Variants in ESR1 observed in about 807,000 individuals in gnomAD.
ESR1 encodes the protein estrogen receptor.
In ESR1, 12 loss-of-function variants were observed where a neutral mutation model predicts 52.7. That is an observed-to-expected ratio of 0.23 (90% CI 0.15 to 0.37). The LOEUF (loss-of-function observed/expected upper bound fraction) is 0.37, where lower values mean the gene tolerates loss of function less well. Among genes scored for constraint, ESR1 ranks in the 10% least tolerant of loss-of-function variants. The pLI, the probability that ESR1 is intolerant of heterozygous loss-of-function variation, is 1.00. For missense variants in ESR1, 584 were observed against 779.7 expected (o/e 0.75, Z 2.99); for synonymous variants, 305 against 316.8 (o/e 0.96, Z 0.39).
chr6:151,727,827 T>C (rs1411225118), intron 2 of ESR1, among the ~76,000 whole-genome samples: 1 of 152,202 alleles, frequency 6.6e-6, no homozygotes, highest in Non-Finnish European at 1.5e-5. Context: ...CTACTCACTC[T>C]GTCTCTCACC....
At chr6:151,787,630 A>G (rs1787149317) in intron 2 of ESR1, among the ~76,000 whole-genome samples, 1 of 151,912 alleles carries the variant, frequency 6.6e-6, no homozygotes, top group African/African-American at 2.4e-5. Context: ...TGTGTTCCTG[A>G]TTTGGCTCTT....
At chr6:151,804,589 T>A (rs1777592689), upstream of ESR1, 1 of 152,010 alleles carries the variant, frequency 6.6e-6, no homozygotes, top group Non-Finnish European at 1.5e-5. Context: ...ATACTGGGGG[T>A]CTTTCAAAGC....
chr6:152,108,938 T>C lies in ESR1; in HGVS notation c.851-16328T>C, dbSNP rs535782737. Reference sequence around the variant, plus strand: ...AAGAGGTTTAATTGGCTTACGGTTCTGCAGGCTGTACAGGAGGCATGGCAG... The same window carrying C: ...AAGAGGTTTAATTGGCTTACGGTTCCGCAGGCTGTACAGGAGGCATGGCAG... On this transcript the variant is annotated intron_variant, in intron 6 of 6. Transcript: ENST00000427531. Among the ~76,000 whole-genome samples, 78 of 152,300 alleles carry C rather than the reference T, an allele frequency of 5.1e-4. No individual in the cohort carries two copies. In the South Asian group the frequency reaches 6.2e-3, roughly 12 times the overall value.
At chr6:151,813,590 A>G (rs1779164060) in intron 1 of ESR1, 1 of 152,234 alleles carries the variant, frequency 6.6e-6, no homozygotes, top group African/African-American at 2.4e-5. Context: ...GAAACTTATT[A>G]AGTACCTATA....
intron 5 of ESR1, among the ~76,000 whole-genome samples, chr6:152,023,220 C>T (rs1267523632): frequency 6.6e-6 from 1 of 152,044 alleles, no homozygotes; most frequent in African/African-American, 2.4e-5. Flanking sequence ...TATAAACCAG[C>T]TCTTTGAGGT....
At chr6:151,780,951 G>A (rs1476086753) in intron 2 of ESR1, among the ~76,000 whole-genome samples, 1 of 152,072 alleles carries the variant, frequency 6.6e-6, no homozygotes, top group African/African-American at 2.4e-5. Flanking sequence ...AAATACAACG[G>A]GCTTTAAAAT....
intron 2 of ESR1, among the ~76,000 whole-genome samples, chr6:151,869,196 A>G (rs903906327): frequency 1.3e-5 from 2 of 152,130 alleles, no homozygotes; most frequent in Non-Finnish European, 2.9e-5. Context: ...TGTTTCTACT[A>G]CTTTGGACAC....
chr6:151,798,888 GA>G (rs560249044), intron 2 of ESR1, among the ~76,000 whole-genome samples: 93 of 152,162 alleles, frequency 6.1e-4, no homozygotes, highest in Non-Finnish European at 1.2e-3. Flanking sequence ...GTAATGAATG[GA>G]AGGTAGATTA....
chr6:151,739,121 G>A (rs1390134809), intron 2 of ESR1, among the ~76,000 whole-genome samples: 1 of 152,174 alleles, frequency 6.6e-6, no homozygotes. Flanking sequence ...GCTTCACTAA[G>A]TAGGACTGTC....
At chr6:151,964,461 T>C (rs2982691) in intron 4 of ESR1, among the ~76,000 whole-genome samples, 122,801 of 151,966 alleles carry the variant, frequency 0.81, 49,969 homozygotes, top group Middle Eastern at 0.9. Flanking sequence ...TTAATTTCCT[T>C]TTTGGATAAT....
intron 2 of ESR1, among the ~76,000 whole-genome samples, chr6:151,739,244 G>A (rs554063667): frequency 5.3e-5 from 8 of 152,232 alleles, no homozygotes; most frequent in African/African-American, 1.9e-4. Context: ...GAGTTGCAAG[G>A]ACCAAACGAG....
At chr6:151,817,345 G>A (rs573634173) in intron 1 of ESR1, among the ~76,000 whole-genome samples, 76 of 152,288 alleles carry the variant, frequency 5.0e-4, no homozygotes, top group African/African-American at 1.8e-3. Flanking sequence ...CTCTTCCTAT[G>A]ACTTTAGATG....
At chr6:151,739,577 C>T (rs976362435) in intron 2 of ESR1, among the ~76,000 whole-genome samples, 1 of 152,208 alleles carries the variant, frequency 6.6e-6, no homozygotes, top group African/African-American at 2.4e-5. Context: ...TGTAACAAAC[C>T]TCAAGGATTG....
chr6:151,738,537 G>A (rs1782842063), intron 2 of ESR1, among the ~76,000 whole-genome samples: 1 of 152,012 alleles, frequency 6.6e-6, no homozygotes, highest in South Asian at 2.1e-4. Flanking sequence ...CTATTTTTTG[G>A]GTGTTATTTT....
chr6:151,935,532 G>A (rs911675941), intron 3 of ESR1, among the ~76,000 whole-genome samples: 2 of 152,158 alleles, frequency 1.3e-5, no homozygotes. Flanking sequence ...TGCAGGTGGG[G>A]CCCAGGTCAC....
At chr6:151,835,801 T>A (rs1219432089) in intron 1 of ESR1, among the ~76,000 whole-genome samples, 1 of 10,458 alleles carries the variant, frequency 9.6e-5, no homozygotes, top group Non-Finnish European at 1.3e-4. Context: ...ATAATGATGA[T>A]TTTTTTTTTT....
At chr6:151,687,969 A>G (rs542152797), upstream of ESR1, among the ~76,000 whole-genome samples, 1 of 152,254 alleles carries the variant, frequency 6.6e-6, no homozygotes, top group South Asian at 2.1e-4. Context: ...CTGTGTTTCA[A>G]TTACACTGTA....
At chr6:152,114,351 G>A (rs2051182163) in intron 6 of ESR1, among the ~76,000 whole-genome samples, 2 of 152,196 alleles carry the variant, frequency 1.3e-5, no homozygotes, top group South Asian at 2.1e-4. Flanking sequence ...AGGAAGTTGC[G>A]GGTTTTTGTG....
rs551791577 is a variant in ESR1, at chr6:151,753,972, A to T, written c.-71+51967A>T. Among the ~76,000 whole-genome samples the T allele has an allele frequency of 3.1e-4, 47 of 152,298 alleles. 1 individual carries two copies. The South Asian group carries it at 6.0e-3, about 19-fold the overall frequency. On this transcript the variant is annotated intron_variant, in intron 2 of 2. Coordinates refer to the ESR1 transcript ENST00000404742. ...TTTTATGGTGCCCAAGATAAAATCG[A>T]CTATGATGATGCAGAATGAAGACCT...
Sources: allele counts gnomAD v4.1 joint callset (sites outside exome capture counted in the v4.1 genomes callset), GRCh38; gene constraint gnomAD v4.1.1; transcripts MANE v1.5; gene names NCBI Gene and HGNC (gene_info 2026-07-23, HGNC 2026-07-21).